Variants in SCN2A observed in about 807,000 individuals in gnomAD.
The protein encoded by SCN2A is sodium channel protein type 2 subunit alpha.
A neutral mutation model predicts 188.7 loss-of-function variants in SCN2A; 20 were observed. That is an observed-to-expected ratio of 0.11 (90% CI 0.07 to 0.15). The LOEUF (loss-of-function observed/expected upper bound fraction) is 0.15, where lower values mean the gene tolerates loss of function less well. Ranked by LOEUF, SCN2A falls within the 10% of genes least tolerant of loss-of-function variation. SCN2A has a pLI of 1.00. For synonymous variants in SCN2A, 804 were observed against 833.1 expected (o/e 0.97, Z 0.60); for missense variants, 1,278 against 2,445.0 (o/e 0.52, Z 10.07).
At chr2:165,331,648 T>A in intron 14 of SCN2A, 80 bp downstream of exon 14, 1 of 1,110,210 alleles carries the variant, frequency 9.0e-7, no homozygotes, top group Non-Finnish European at 1.4e-6. Flanking sequence ...GCTCTCAAAT[T>A]AAATATCAAC....
chr2:165,380,525 A>C (rs1574730864), intron 23 of SCN2A, 67 bp from the exon 24 acceptor site: 1 of 1,172,794 alleles, frequency 8.5e-7, no homozygotes, highest in East Asian at 2.4e-5. Flanking sequence ...ATAATTAAAA[A>C]CTCACTGATG....
intron 17 of SCN2A, among the ~76,000 whole-genome samples, chr2:165,355,312 A>C (rs866116566): frequency 6.6e-6 from 1 of 152,212 alleles, no homozygotes; most frequent in African/African-American, 2.4e-5. Flanking sequence ...TCCTTAATAC[A>C]TTATAGAATG....
chr2:165,309,286 C>A (rs770918241), intron 5 of SCN2A, 66 bp from the exon 6 acceptor site: 2 of 1,613,146 alleles, frequency 1.2e-6, no homozygotes, highest in African/African-American at 1.3e-5. Flanking sequence ...AGGTGGTAGG[C>A]CCCTTATATC....
chr2:165,331,624 G>C lies in SCN2A; in HGVS notation c.2388+56G>C, dbSNP rs985377009. 1.1e-5 allele frequency: 14 copies of C among 1,319,690 alleles called. No individual in the cohort carries two copies. The African/African-American group carries it at 1.7e-4, about 16-fold the overall frequency. 81.7% of individuals were successfully genotyped at this position (1,319,690 alleles called of 1,614,324 possible). On this transcript the variant is annotated intron_variant, in intron 14 of 26. Transcript: ENST00000375437. ...TGAAAGAGTTTATAATTGCCTTAGT[G>C]AATTTTACATATTGCTCTCAAATTA...
intron 14 of SCN2A, among the ~76,000 whole-genome samples, chr2:165,335,455 T>C (rs775003332): frequency 1.3e-5 from 2 of 151,734 alleles, no homozygotes; most frequent in Admixed American, 6.6e-5. Flanking sequence ...AGTCTTCATA[T>C]TTATGTTAAA....
At chr2:165,362,287 A>C (rs1453659935) in intron 17 of SCN2A, among the ~76,000 whole-genome samples, 2 of 152,070 alleles carry the variant, frequency 1.3e-5, no homozygotes, top group African/African-American at 2.4e-5. Flanking sequence ...ATCAGAACTA[A>C]GGTAGTGCAC....
intron 13 of SCN2A, chr2:165,328,333 C>T (rs190347846): frequency 1.6e-3 from 279 of 170,062 alleles, no homozygotes; most frequent in African/African-American, 6.6e-3. Context: ...TCTTCCCCAA[C>T]CTCGCCTGCG....
intron 18 of SCN2A, among the ~76,000 whole-genome samples, chr2:165,365,912 A>C (rs1700702018): frequency 6.6e-6 from 1 of 152,172 alleles, no homozygotes. Context: ...GGTATGGATC[A>C]GTTATATATT....
rs765597357 is a variant in SCN2A at position 165,367,266 on chromosome 2, A to G, written c.3570A>G (p.Lys1190=). Reference sequence around the variant, plus strand: ...GTCAGATAAGCATAGAAGAAGGCAAAGGGAAACTCTGGTGGAATTTGAGGA... The same window carrying G: ...GTCAGATAAGCATAGAAGAAGGCAAGGGGAAACTCTGGTGGAATTTGAGGA... ...KCCQISIEEG[K]GKLWWNLRKT... The change falls in exon 19 of 27, where the codon AAA becomes AAG. Residue 1190 remains lysine, a synonymous_variant. Coordinates refer to ENST00000375437, the MANE Select transcript of SCN2A (RefSeq NM_001040142.2). 4.3e-6 allele frequency: 7 copies of G among 1,614,066 alleles called. No individual in the cohort carries two copies. In the South Asian group the frequency reaches 6.6e-5, roughly 15 times the overall value.
intron 1 of SCN2A, chr2:165,271,845 T>C (rs994360124): frequency 6.6e-6 from 1 of 152,056 alleles, no homozygotes; most frequent in African/African-American, 2.4e-5. Flanking sequence ...CTTTTGTCAC[T>C]TAACAGTTTT....
chr2:165,250,834 G>A (rs139012530), intron 1 of SCN2A, among the ~76,000 whole-genome samples: 91 of 152,118 alleles, frequency 6.0e-4, no homozygotes, highest in Non-Finnish European at 1.2e-3. Flanking sequence ...ATTGTAGAAT[G>A]ATTTGAGATA....
At chr2:165,282,239 T>G (rs995965565) in intron 1 of SCN2A, among the ~76,000 whole-genome samples, 2 of 152,022 alleles carry the variant, frequency 1.3e-5, no homozygotes, top group African/African-American at 4.8e-5. Flanking sequence ...AGGTGCAGAG[T>G]TCCAATGCTT....
At chr2:165,336,721 C>T (rs1699017092) in intron 14 of SCN2A, among the ~76,000 whole-genome samples, 1 of 151,946 alleles carries the variant, frequency 6.6e-6, no homozygotes, top group Non-Finnish European at 1.5e-5. Context: ...ACTAATATTT[C>T]ATAGTATGCA....
rs71028477 is a variant in SCN2A, at chr2:165,303,270, G to GTTTTTTTTTTTTTTTTTTTTTT, written c.387-4576_387-4555dup. ...TTGTATTTGAGTTTTTGTTATTTGA[G>GTTTTTTTTTTTTTTTTTTTTTT]TTTTTTTTTTTTTTTTTTTTTTTGA... On this transcript the variant is annotated intron_variant, in intron 3 of 26. Transcript: ENST00000375437. Among the ~76,000 whole-genome samples, 27 of 91,312 alleles carry GTTTTTTTTTTTTTTTTTTTTTT rather than the reference G, an allele frequency of 3.0e-4. 2 individuals carry two copies. Among genetic ancestry groups the GTTTTTTTTTTTTTTTTTTTTTT allele is most frequent in the East Asian group, 7.5e-4 (2 of 2,672 alleles). 59.9% of individuals were successfully genotyped at this position (91,312 alleles called of 152,430 possible).
In SCN2A at chr2:165,295,946, C is replaced by T; in HGVS notation, c.123C>T (p.Arg41=). 1 of 1,614,078 alleles carries T rather than the reference C, an allele frequency of 6.2e-7. No individual in the cohort carries two copies. The highest frequency in any genetic ancestry group is 8.5e-7 in the Non-Finnish European group (1 of 1,180,010). ...AAGCTAAGAGACCCAAACAGGAACG[C>T]AAGGATGAGGATGATGAAAATGGCC... is the stretch of plus-strand genomic sequence containing the variant. ...EEKAKRPKQE[R]KDEDDENGPK... is the part of the protein sequence containing the mutation. The change falls in exon 2 of 27, where the codon CGC becomes CGT. Residue 41 remains arginine (R), a synonymous_variant. Transcript: ENST00000375437.
chr2:165,388,004 G>T (rs73969400), intron 26 of SCN2A, among the ~76,000 whole-genome samples: 2,452 of 152,144 alleles, frequency 0.016, 65 homozygotes, highest in African/African-American at 0.056. Context: ...GTTATTGTGA[G>T]GATTAAATCA....
intron 1 of SCN2A, among the ~76,000 whole-genome samples, chr2:165,291,199 G>C (rs1317471019): frequency 6.6e-6 from 1 of 151,374 alleles, no homozygotes; most frequent in Non-Finnish European, 1.5e-5. Flanking sequence ...CCATCACCAT[G>C]CCCGGCTAAT....
rs1379550929 is a variant in SCN2A, at chr2:165,386,877, C to T, written c.4683C>T (p.Asn1561=). The T allele has an allele frequency of 1.2e-6, 2 of 1,613,930 alleles. No homozygotes were observed. Among genetic ancestry groups the T allele is most frequent in the South Asian group, 1.1e-5 (1 of 91,072 alleles). The change falls in exon 26 of 27, where the codon AAC becomes AAT. Residue 1561 remains asparagine (N), a synonymous_variant. Transcript: ENST00000375437. ...ATGACCAGAGTCAAGAAATGACAAA[C>T]ATTCTGTACTGGATTAATCTGGTGT... ...ETDDQSQEMT[N]ILYWINLVFI... is the part of the protein sequence containing the mutation.
Position 165,331,431 on chromosome 2 carries a change from C to T in SCN2A, c.2251C>T (p.Leu751Phe), listed in dbSNP as rs1085307603. 1 of 1,613,656 alleles carries T rather than the reference C, an allele frequency of 6.2e-7. No homozygotes were observed. The highest frequency in any genetic ancestry group is 1.3e-5 in the African/African-American group (1 of 74,878). ...CCKPWLKVKH[L>F]VNLVVMDPFV... ...TAAACCATGGTTAAAGGTGAAACAC[C>T]TTGTCAACCTGGTTGTAATGGACCC... The change falls in exon 14 of 27, where the codon CTT becomes TTT. Residue 751 changes from leucine to phenylalanine, a missense_variant. Physicochemically the swap from Leu to Phe is conservative, Grantham distance 22 (BLOSUM62 0). Coordinates refer to ENST00000375437, the MANE Select transcript of SCN2A (RefSeq NM_001040142.2).
Sources: gnomAD v4.1 joint callset for allele counts (sites outside exome capture counted in the v4.1 genomes callset) on GRCh38, gnomAD v4.1.1 for gene constraint, MANE v1.5 for transcripts, NCBI Gene and HGNC (gene_info 2026-07-23, HGNC 2026-07-21) for gene names.